ABCC5: variants seen among roughly 807,000 people sequenced by gnomAD.
ABCC5 encodes the protein ATP-binding cassette sub-family C member 5.
A neutral mutation model predicts 160.9 loss-of-function variants in ABCC5; 61 were observed. The observed-to-expected ratio is 0.38, with a 90% CI of 0.31 to 0.47. The LOEUF is 0.47. ABCC5 is among the 20% of genes least tolerant of loss of function. The probability of loss-of-function intolerance (pLI) is 0.99; values close to 1 mark genes in which losing one functional copy is unlikely to be tolerated. For missense variants in ABCC5, 1,308 were observed against 1,813.3 expected, an observed-to-expected ratio of 0.72 and a Z score of 5.06; for synonymous variants, 666 against 700.6, an observed-to-expected ratio of 0.95 and a Z score of 0.78.
chr3:183,998,289 C>T (rs1342098804), intron 2 of ABCC5, among the ~76,000 whole-genome samples: 1 of 152,134 alleles, frequency 6.6e-6, no homozygotes, highest in Non-Finnish European at 1.5e-5. Context: ...TTGCTATTAA[C>T]TTTAGTACTT....
chr3:183,978,003 TC>T (rs1399976645), intron 9 of ABCC5, among the ~76,000 whole-genome samples: 1 of 152,190 alleles, frequency 6.6e-6, no homozygotes, highest in Admixed American at 6.5e-5. Flanking sequence ...TCCGCCCGCC[TC>T]GGCCTCCCAA....
Position 183,947,503 on chromosome 3 carries a change from C to G in ABCC5, c.3235G>C (p.Glu1079Gln). The change falls in exon 23 of 30, where the codon GAG becomes CAG. Residue 1079 changes from glutamate to glutamine, a missense_variant. Glu to Gln is a conservative substitution (Grantham distance 29). Around this residue, in one of 3 missense-constraint regions of ABCC5, gnomAD observed 1,142 missense variants for 1,527.1 expected, o/e 0.75. Transcript: ENST00000334444. ...GGAGCTTGGTTGTCATCCAGCAGCT[C>G]CTGGTATCTGTGAGAAAGACAACAC... is the stretch of plus-strand genomic sequence containing the variant. The part of the protein sequence containing the change: ...KGQEFLHRYQ[E>Q]LLDDNQAPFF... 1 of 1,594,664 alleles carries G rather than the reference C, an allele frequency of 6.3e-7. No homozygotes were observed. Among genetic ancestry groups the G allele is most frequent in the Non-Finnish European group, 8.6e-7 (1 of 1,167,820 alleles).
Position 183,963,213 on chromosome 3 carries a change from T to C in ABCC5, c.2235+172A>G, listed in dbSNP as rs539980656. On this transcript the variant is annotated intron_variant, in intron 15 of 29. Transcript: ENST00000334444. The surrounding 1 kb of genome is among the most constrained non-coding windows in gnomAD (Gnocchi z 4.6). ...AGGATCTCTGATTTAGATGGCCATC[T>C]GTTACACTGGTACAGTGAGCTTTAT... Among the ~76,000 whole-genome samples, 2 of 152,370 alleles carry C rather than the reference T, an allele frequency of 1.3e-5. No individual in the cohort carries two copies. Among genetic ancestry groups the C allele is most frequent in the East Asian group, 3.9e-4 (2 of 5,182 alleles).
At chr3:183,984,682 T>C (rs1719042888) in intron 5 of ABCC5, 1 of 1,482,932 alleles carries the variant, frequency 6.7e-7, no homozygotes, top group African/African-American at 1.4e-5. Flanking sequence ...TTTAGGTTTA[T>C]ATCCATTGCT....
chr3:183,936,081 A>G (rs2139560), intron 26 of ABCC5, among the ~76,000 whole-genome samples: 95,577 of 151,808 alleles, frequency 0.63, 31,027 homozygotes, highest in East Asian at 0.84. Context: ...TGTAAGGAGG[A>G]GATTAGGTTT....
At chr3:183,986,148 C>T (rs973472115) in intron 5 of ABCC5, 5 of 152,190 alleles carry the variant, frequency 3.3e-5, no homozygotes, top group South Asian at 2.1e-4. Flanking sequence ...TCAAAACCAG[C>T]CTGGTTTTTC....
At chr3:183,995,411 T>C (rs572544154) in intron 2 of ABCC5, among the ~76,000 whole-genome samples, 1 of 152,364 alleles carries the variant, frequency 6.6e-6, no homozygotes, top group African/African-American at 2.4e-5. Context: ...AAAAGCTTTA[T>C]AGTTTTACAT....
At chr3:183,989,496 T>C (rs1394371651) in intron 2 of ABCC5, 113 bp from the exon 3 acceptor site, 1 of 1,141,654 alleles carries the variant, frequency 8.8e-7, no homozygotes, top group African/African-American at 1.6e-5. Context: ...AACTGAGAAA[T>C]TCCAAGCAAG....
At chr3:183,957,848 G>A (rs181561843) in intron 17 of ABCC5, among the ~76,000 whole-genome samples, 8 of 137,606 alleles carry the variant, frequency 5.8e-5, no homozygotes, top group South Asian at 4.6e-4. Flanking sequence ...ATGCGGATCC[G>A]TGTGTATATC....
At chr3:183,954,190 C>T (rs1715654574) in intron 17 of ABCC5, among the ~76,000 whole-genome samples, 1 of 152,142 alleles carries the variant, frequency 6.6e-6, no homozygotes, top group Admixed American at 6.5e-5. Flanking sequence ...CTCTGTCGCC[C>T]AGGCTGGAGT....
At chr3:183,940,453 C>T (rs1714197190) in intron 25 of ABCC5, among the ~76,000 whole-genome samples, 1 of 119,388 alleles carries the variant, frequency 8.4e-6, no homozygotes, top group Non-Finnish European at 1.6e-5. Context: ...GACTGAGACT[C>T]TGTCTCAGGA....
Position 183,921,072 on chromosome 3 carries a change from G to A in ABCC5, c.*228C>T, listed in dbSNP as rs536260735. 21 of 399,278 alleles carry A rather than the reference G, an allele frequency of 5.3e-5. No individual in the cohort carries two copies. The East Asian group carries it at 7.5e-4, about 14-fold the overall frequency. The allele number at this position is 399,278 out of a possible 1,614,324, so 24.7% of individuals were successfully genotyped here. A position where few individuals can be genotyped will look rare whatever the true frequency, so the allele number is the denominator to read the frequency against. ...ATAACGGTTCCCTGAACCTTTTAGA[G>A]TGCAATTAAGAACAAAAACTAAATT... On this transcript the variant is annotated 3_prime_UTR_variant, in exon 30 of 30. Coordinates refer to ENST00000334444, the MANE Select transcript of ABCC5 (RefSeq NM_005688.4). The surrounding 1 kb of genome is among the most constrained non-coding windows in gnomAD (Gnocchi z 4.1).
Position 183,951,882 on chromosome 3 carries a change from G to A in ABCC5, c.2789C>T (p.Ala930Val), listed in dbSNP as rs866379470. The A allele has an allele frequency of 6.2e-7, 1 of 1,613,816 alleles. No individual in the cohort carries two copies. The highest frequency in any genetic ancestry group is 1.3e-5 in the African/African-American group (1 of 75,052). Residue 930 changes from alanine to valine, a missense_variant, in exon 19 of 30, where the codon GCC becomes GTC. Around this residue, in one of 3 missense-constraint regions of ABCC5, gnomAD observed 1,142 missense variants for 1,527.1 expected, o/e 0.75. Coordinates refer to ENST00000334444, the MANE Select transcript of ABCC5 (RefSeq NM_005688.4). This position sits in a 1 kb window ranked among gnomAD's most constrained non-coding sequence, Gnocchi z 4.7. The part of the protein sequence containing the change: ...LSMAVMLILK[A>V]IRGVVFVKGT... Reference sequence around the variant, plus strand: ...CTTGACAAAGACAACTCCTCGAATGGCTTTCAGGATCAGCATGACTGCCAT... The same window carrying A: ...CTTGACAAAGACAACTCCTCGAATGACTTTCAGGATCAGCATGACTGCCAT...
chr3:183,950,009 G>A lies in ABCC5; in HGVS notation c.3061C>T (p.Leu1021Phe). The A allele has an allele frequency of 6.2e-7, 1 of 1,614,104 alleles. No individual in the cohort carries two copies. The highest frequency in any genetic ancestry group is 1.1e-5 in the South Asian group (1 of 91,066). ...TGCAGGACTGAAAAGAGGATGACAA[G>A]GGGCCCCACTGCCACAAGGAACCAC... is the stretch of plus-strand genomic sequence containing the variant. The part of the protein sequence containing the change: ...FPWFLVAVGP[L>F]VILFSVLHIV... The change falls in exon 21 of 30, where the codon CTT (leucine) becomes TTT (phenylalanine). Residue 1021 changes from leucine to phenylalanine, a missense_variant. Leu to Phe is a conservative substitution (Grantham distance 22). This residue lies in a region of ABCC5 where 1,142 missense variants were observed against 1,527.1 expected (regional missense o/e 0.75). Coordinates refer to ENST00000334444, the MANE Select transcript of ABCC5 (RefSeq NM_005688.4).
chr3:183,967,591 A>C lies in ABCC5; in HGVS notation c.1833+104T>G. 3 of 1,007,994 alleles carry C rather than the reference A, an allele frequency of 3.0e-6. No homozygotes were observed. In the Admixed American group the frequency reaches 5.2e-5, roughly 17 times the overall value. The allele number at this position is 1,007,994 out of a possible 1,614,324, so 62.4% of individuals were successfully genotyped here. A position where few individuals can be genotyped will look rare whatever the true frequency, so the allele number is the denominator to read the frequency against. On this transcript the variant is annotated intron_variant, in intron 12 of 29. Transcript: ENST00000334444. The stretch of plus-strand genomic sequence containing the variant: ...GGCATACAATGCAGGCTGAGGGTTC[A>C]TTTGTTTCCACCTTTCCTGACTCTC...
In ABCC5 at chr3:183,982,837, G is replaced by A. The variant is rs766500883; in HGVS notation, c.762C>T (p.Ile254=). 3.1e-6 allele frequency: 5 copies of A among 1,614,168 alleles called. No individual in the cohort carries two copies. The highest frequency in any genetic ancestry group is 4.2e-6 in the Non-Finnish European group (5 of 1,180,018). The change falls in exon 6 of 30, where the codon ATC becomes ATT. Residue 254 remains isoleucine, a synonymous_variant. Transcript: ENST00000334444. The surrounding 1 kb of genome is among the most constrained non-coding windows in gnomAD (Gnocchi z 5.2). ...GGATCTTCTTAAATGCCATGGTTAG[G>A]ATGGCCCCCCGCAAGCGGACACCGG... is the stretch of plus-strand genomic sequence containing the variant. ...YRTGVRLRGA[I]LTMAFKKILK...
intron 2 of ABCC5, among the ~76,000 whole-genome samples, chr3:184,012,014 A>AACACACACACACACACAC (rs3031485): frequency 3.8e-4 from 55 of 145,490 alleles, no homozygotes; most frequent in South Asian, 2.0e-3. Flanking sequence ...CATAGAACAC[A>AACACACACACACACACAC]ACACACACAC....
chr3:183,944,563 A>T (rs1181524376), intron 24 of ABCC5, among the ~76,000 whole-genome samples: 1 of 152,076 alleles, frequency 6.6e-6, no homozygotes, highest in Non-Finnish European at 1.5e-5. Context: ...AAAATAGATA[A>T]CTCTTAAGAA....
At chr3:183,956,621 C>T in intron 17 of ABCC5, among the ~76,000 whole-genome samples, 1 of 149,244 alleles carries the variant, frequency 6.7e-6, no homozygotes, top group African/African-American at 2.5e-5. Flanking sequence ...ACATCTGTTA[C>T]ATGCAGATCC....
Sources: gnomAD v4.1 joint callset for allele counts (sites outside exome capture counted in the v4.1 genomes callset) on GRCh38, gnomAD v4.1.1 for gene constraint, gnomAD v4.1.1 regional missense constraint, Gnocchi (gnomAD v3.1) non-coding constraint, MANE v1.5 for transcripts, NCBI Gene and HGNC (gene_info 2026-07-23, HGNC 2026-07-21) for gene names.